Variants in EFCAB13 observed in about 807,000 individuals in gnomAD.
The protein encoded by EFCAB13 is EF-hand calcium-binding domain-containing protein 13.
EFCAB13 carries 91 observed loss-of-function variants against 110.2 expected under a neutral mutation model. That is an observed-to-expected ratio of 0.83 (90% CI 0.70 to 0.98). The LOEUF (loss-of-function observed/expected upper bound fraction) is 0.98, where lower values mean the gene tolerates loss of function less well. Ranked by LOEUF, EFCAB13 falls within the 50% of genes least tolerant of loss-of-function variation. The pLI, the probability that EFCAB13 is intolerant of heterozygous loss-of-function variation, is 0.00. For missense variants in EFCAB13, 968 were observed against 1,119.4 expected, an observed-to-expected ratio of 0.86 and a Z score of 1.93; for synonymous variants, 323 against 369.9, an observed-to-expected ratio of 0.87 and a Z score of 1.45.
In EFCAB13 at chr17:47,377,742, G is replaced by T. The variant is rs769680291; in HGVS notation, c.1373-24G>T. On this transcript the variant is annotated intron_variant, in intron 12 of 24. Transcript: ENST00000331493. The stretch of plus-strand genomic sequence containing the variant: ...GACACATAAATTCTGTTGCCTAATA[G>T]TTCTCTACATTTTGTGTATTTAGAA... 4 of 1,541,702 alleles carry T rather than the reference G, an allele frequency of 2.6e-6. No homozygotes were observed. In the Admixed American group the frequency reaches 9.2e-5, roughly 36 times the overall value.
intron 11 of EFCAB13, among the ~76,000 whole-genome samples, chr17:47,372,362 ATC>A (rs2065589871): frequency 6.6e-6 from 1 of 152,080 alleles, no homozygotes; most frequent in Non-Finnish European, 1.5e-5. Flanking sequence ...CTTTTACCTC[ATC>A]TCTCCTTCTG....
chr17:47,378,016 T>C, intron 13 of EFCAB13, 113 bp downstream of exon 13: 1 of 980,494 alleles, frequency 1.0e-6, no homozygotes, highest in Non-Finnish European at 1.4e-6. Context: ...ACAGAATGGG[T>C]CATTCTAAAG....
At chr17:47,428,936 T>A (rs1905048606) in intron 23 of EFCAB13, among the ~76,000 whole-genome samples, 2 of 152,198 alleles carry the variant, frequency 1.3e-5, no homozygotes, top group South Asian at 4.2e-4. Context: ...GCTATTTACA[T>A]TCAGATATTT....
intron 10 of EFCAB13, among the ~76,000 whole-genome samples, chr17:47,369,367 A>G (rs888995138): frequency 6.6e-6 from 1 of 152,202 alleles, no homozygotes; most frequent in African/African-American, 2.4e-5. Flanking sequence ...CGAGGAAACC[A>G]TTGGCAATAC....
At chr17:47,394,869 T>C (rs2065728454) in intron 16 of EFCAB13, among the ~76,000 whole-genome samples, 1 of 152,214 alleles carries the variant, frequency 6.6e-6, no homozygotes. Context: ...CACAGAGTTA[T>C]ATAGTATATT....
At chr17:47,328,984 G>A (rs965672153) in intron 4 of EFCAB13, 1 of 152,214 alleles carries the variant, frequency 6.6e-6, no homozygotes, top group African/African-American at 2.4e-5. Flanking sequence ...ATCTGTAGGT[G>A]TCTCAAGGGT....
At chr17:47,373,432 A>T (rs959215571) in intron 11 of EFCAB13, among the ~76,000 whole-genome samples, 2 of 151,822 alleles carry the variant, frequency 1.3e-5, no homozygotes, top group East Asian at 1.9e-4. Flanking sequence ...CTGTATCTTC[A>T]TTTCTTTGGG....
At position 47,431,093 on chromosome 17, in the gene EFCAB13, A is replaced by G. The variant is rs866151251; in HGVS notation, c.2638+1132A>G. ...TGGGTTATCTGTTACCTCAAGCATT[A>G]TCAGTTCTTTGTGTTAGAAACATTC... is the stretch of plus-strand genomic sequence containing the variant. On this transcript the variant is annotated intron_variant, in intron 24 of 24. Coordinates refer to ENST00000331493, the MANE Select transcript of EFCAB13 (RefSeq NM_152347.5). The surrounding 1 kb of genome is among the most constrained non-coding windows in gnomAD (Gnocchi z 4.1). Among the ~76,000 whole-genome samples the G allele has an allele frequency of 4.3e-4, 65 of 152,228 alleles. No individual in the cohort carries two copies. Among genetic ancestry groups the G allele is most frequent in the African/African-American group, 1.5e-3 (63 of 41,572 alleles).
intron 9 of EFCAB13, among the ~76,000 whole-genome samples, chr17:47,357,894 A>G (rs1336716684): frequency 6.6e-6 from 1 of 151,990 alleles, no homozygotes; most frequent in Non-Finnish European, 1.5e-5. Context: ...TGTAGAGACC[A>G]CTTTTTGAAT....
chr17:47,412,471 T>C (rs1202523635), intron 21 of EFCAB13, among the ~76,000 whole-genome samples: 1 of 152,252 alleles, frequency 6.6e-6, no homozygotes, highest in Non-Finnish European at 1.5e-5. Context: ...TCTTTAGATC[T>C]ACATGTACAG....
intron 9 of EFCAB13, among the ~76,000 whole-genome samples, chr17:47,352,747 C>G (rs1462147210): frequency 6.6e-6 from 1 of 152,084 alleles, no homozygotes; most frequent in Admixed American, 6.6e-5. Flanking sequence ...TTTGTGTTCT[C>G]TATAGTTTAT....
In EFCAB13 at chr17:47,335,347, A is replaced by T; in HGVS notation, c.182A>T (p.Tyr61Phe). The T allele has an allele frequency of 6.3e-7, 1 of 1,584,678 alleles. No homozygotes were observed. Among genetic ancestry groups the T allele is most frequent in the Non-Finnish European group, 8.5e-7 (1 of 1,172,112 alleles). Residue 61 changes from tyrosine to phenylalanine, a missense_variant, in exon 5 of 25, where the codon TAT becomes TTT. By Grantham distance (22) the Tyr-to-Phe change is conservative. Coordinates refer to ENST00000331493, the MANE Select transcript of EFCAB13 (RefSeq NM_152347.5). ...SPEIRSLSPE[Y>F]KKIFETSIIF... The stretch of plus-strand genomic sequence containing the variant: ...GAAATTAGGAGTTTGAGCCCAGAAT[A>T]TAAAAAAATGTAAGTTAAAAACTCT...
rs186486145 is a variant in EFCAB13, at chr17:47,431,939, T to C, written c.2638+1978T>C. On this transcript the variant is annotated intron_variant, in intron 24 of 24. Transcript: ENST00000331493. This position sits in a 1 kb window ranked among gnomAD's most constrained non-coding sequence, Gnocchi z 4.1. ...TGTCAGTGTTTGCTGTCTATAGTTT[T>C]AGCCCATGTTGTTAACATGCTGACT... 7.9e-5 allele frequency among the ~76,000 whole-genome samples: 12 copies of C among 152,366 alleles called. No individual in the cohort carries two copies. Among genetic ancestry groups the C allele is most frequent in the Admixed American group, 2.6e-4 (4 of 15,304 alleles).
At chr17:47,397,656 A>ACCCCGCCG (rs2065749218) in intron 17 of EFCAB13, among the ~76,000 whole-genome samples, 1 of 123,518 alleles carries the variant, frequency 8.1e-6, no homozygotes, top group East Asian at 2.4e-4. Context: ...GAGAGCCTCT[A>ACCCCGCCG]CCCCGCCGCC....
intron 24 of EFCAB13, among the ~76,000 whole-genome samples, chr17:47,435,080 A>G (rs1028090742): frequency 6.6e-6 from 1 of 152,144 alleles, no homozygotes; most frequent in Non-Finnish European, 1.5e-5. Flanking sequence ...AGCAAAAGAA[A>G]TAATCAGCAA....
intron 10 of EFCAB13, among the ~76,000 whole-genome samples, chr17:47,367,811 G>A (rs16941923): frequency 0.065 from 9,925 of 152,176 alleles, 382 homozygotes; most frequent in East Asian, 0.17. Context: ...AATGGAACCT[G>A]TCCCTCGAGA....
At position 47,429,928 on chromosome 17, in the gene EFCAB13, CTTA is replaced by C; in HGVS notation, c.2606_2608del (p.Leu869_Thr870delinsPro). On this transcript the variant is annotated inframe_deletion, in exon 24 of 25. Transcript: ENST00000331493. ...GGACCTTCATACAGCTAATGCTATACTTACTGTAATGTTAAGACATGTACCTGA... is the reference window on the plus strand; with the variant it reads ...GGACCTTCATACAGCTAATGCTATACCTGTAATGTTAAGACATGTACCTGA... The C allele has an allele frequency of 6.2e-7, 1 of 1,609,946 alleles. No homozygotes were observed. The highest frequency in any genetic ancestry group is 8.5e-7 in the Non-Finnish European group (1 of 1,177,480).
intron 4 of EFCAB13, among the ~76,000 whole-genome samples, chr17:47,331,752 T>C (rs2065320785): frequency 6.6e-6 from 1 of 152,136 alleles, no homozygotes; most frequent in African/African-American, 2.4e-5. Flanking sequence ...CCCCATCCCC[T>C]GGCAAACACT....
chr17:47,422,667 CATTT>C (rs1904764405), intron 23 of EFCAB13, among the ~76,000 whole-genome samples: 1 of 151,990 alleles, frequency 6.6e-6, no homozygotes, highest in South Asian at 2.1e-4. Context: ...AAAAAGTAAA[CATTT>C]AGGAGTAACT....
Sources: allele counts gnomAD v4.1 joint callset (sites outside exome capture counted in the v4.1 genomes callset), GRCh38; gene constraint gnomAD v4.1.1; non-coding constraint Gnocchi (gnomAD v3.1); transcripts MANE v1.5; gene names NCBI Gene and HGNC (gene_info 2026-07-23, HGNC 2026-07-21).